GOLM2: variants seen among roughly 807,000 people sequenced by gnomAD.
GOLM2 encodes golgi membrane protein 2, also known as protein GOLM2.
In GOLM2, 26 loss-of-function variants were observed where a neutral mutation model predicts 55.9. The observed-to-expected ratio is 0.47, with a 90% CI of 0.34 to 0.65. GOLM2 has a LOEUF of 0.65. GOLM2 is among the 30% of genes least tolerant of loss of function. The pLI is 0.01. For missense variants in GOLM2, 486 were observed against 531.8 expected (o/e 0.91, Z 0.85); for synonymous variants, 165 against 194.6 (o/e 0.85, Z 1.27).
chr15:44,312,365 T>C (rs1243107947), intron 1 of GOLM2, among the ~76,000 whole-genome samples: 1 of 152,108 alleles, frequency 6.6e-6, no homozygotes, highest in Non-Finnish European at 1.5e-5. Flanking sequence ...CATTTAAACT[T>C]TTTTTCTCCT....
At chr15:44,322,308 A>G (rs1822269416) in intron 1 of GOLM2, among the ~76,000 whole-genome samples, 1 of 152,214 alleles carries the variant, frequency 6.6e-6, no homozygotes, top group Non-Finnish European at 1.5e-5. Context: ...TGGAGGTTGC[A>G]GTGAGCTGAG....
chr15:44,313,372 A>T (rs79854043), intron 1 of GOLM2, among the ~76,000 whole-genome samples: 3 of 152,176 alleles, frequency 2.0e-5, no homozygotes, highest in African/African-American at 7.2e-5. Flanking sequence ...TAATCTCAGC[A>T]TCTTTTCCCC....
chr15:44,377,492 C>T (rs1478887913), intron 6 of GOLM2, among the ~76,000 whole-genome samples: 1 of 152,070 alleles, frequency 6.6e-6, no homozygotes, highest in Admixed American at 6.6e-5. Context: ...TGCCTCAGGC[C>T]CCCAAGTAGC....
chr15:44,406,504 T>C (rs547389010), intron 9 of GOLM2: 1 of 152,320 alleles, frequency 6.6e-6, no homozygotes, highest in South Asian at 2.1e-4. Context: ...GTATGAAGAC[T>C]GCTGAATTAG....
rs1442514888 is a variant in GOLM2, at chr15:44,337,900, T to A, written c.714T>A (p.His238Gln). 6.3e-7 allele frequency: 1 copy of A among 1,592,044 alleles called. No homozygotes were observed. The highest frequency in any genetic ancestry group is 2.3e-5 in the East Asian group (1 of 44,430). Residue 238 changes from histidine (H) to glutamine (Q), a missense_variant, in exon 5 of 10, where the codon CAT (histidine) becomes CAA (glutamine). Physicochemically the swap from His to Gln is conservative, Grantham distance 24. Transcript: ENST00000299957. ...NEEPSSNHIPHGKEQIKRGGD... is the reference protein window; with the variant it reads ...NEEPSSNHIPQGKEQIKRGGD... ...AACCCTCAAGCAATCATATTCCACA[T>A]GGGAAAGGTATTATTGTTATTATTC...
chr15:44,336,948 CT>C (rs2079061389), intron 4 of GOLM2, among the ~76,000 whole-genome samples: 1 of 152,002 alleles, frequency 6.6e-6, no homozygotes, highest in African/African-American at 2.4e-5. Flanking sequence ...AAATATTTGG[CT>C]CTTGTTTTTC....
chr15:44,304,401 C>T lies in GOLM2; in HGVS notation c.327+15045C>T, dbSNP rs991386197. ...GGATTACAGGCGCCCACCACCACAC[C>T]TGGCTAATTTTTGTACTTTTAGTAG... On this transcript the variant is annotated intron_variant, in intron 1 of 9. Transcript: ENST00000299957. Among the ~76,000 whole-genome samples, 7 of 150,772 alleles carry T rather than the reference C, an allele frequency of 4.6e-5. 1 individual carries two copies. The highest frequency in any genetic ancestry group is 3.3e-4 in the Admixed American group (5 of 15,118).
chr15:44,293,049 G>A (rs115065157), intron 1 of GOLM2, among the ~76,000 whole-genome samples: 2 of 152,040 alleles, frequency 1.3e-5, no homozygotes, highest in African/African-American at 4.8e-5. Context: ...TTCCTGGCCT[G>A]AAGTGATCCT....
At chr15:44,308,610 T>A (rs1405495500) in intron 1 of GOLM2, 1 of 148,346 alleles carries the variant, frequency 6.7e-6, no homozygotes, top group Non-Finnish European at 1.5e-5. Context: ...TATATTTAAC[T>A]TTTTTTTTTA....
At chr15:44,362,650 T>G (rs954517077) in intron 6 of GOLM2, among the ~76,000 whole-genome samples, 2 of 152,128 alleles carry the variant, frequency 1.3e-5, no homozygotes, top group African/African-American at 2.4e-5. Flanking sequence ...GCCATCCCCA[T>G]CAAACTACCA....
intron 6 of GOLM2, among the ~76,000 whole-genome samples, chr15:44,344,514 G>A (rs1157798182): frequency 6.6e-6 from 1 of 151,774 alleles, no homozygotes; most frequent in Non-Finnish European, 1.5e-5. Flanking sequence ...CCTATATGCT[G>A]ATTTAGATAA....
In GOLM2 at chr15:44,401,002, A is replaced by AC. The variant is rs1264875347; in HGVS notation, c.1073-1883dup. On this transcript the variant is annotated intron_variant, in intron 8 of 9. Transcript: ENST00000299957. ...ATGTGATGAACCATCTGTAGAATTGACCAGTACCCCCAGAATTCTATTTGT... is the reference window on the plus strand; with the variant it reads ...ATGTGATGAACCATCTGTAGAATTGACCCAGTACCCCCAGAATTCTATTTGT... Among the ~76,000 whole-genome samples, 3 of 152,214 alleles carry AC rather than the reference A, an allele frequency of 2.0e-5. No individual in the cohort carries two copies. In the East Asian group the frequency reaches 5.8e-4, roughly 29 times the overall value.
chr15:44,332,574 T>A (rs1331457765), intron 4 of GOLM2, among the ~76,000 whole-genome samples: 2 of 151,018 alleles, frequency 1.3e-5, no homozygotes, highest in Non-Finnish European at 2.9e-5. Flanking sequence ...AAAAAAAAAA[T>A]TTAAATTAAT....
In GOLM2 at chr15:44,385,649, T is replaced by C. The variant is rs78044015; in HGVS notation, c.1072+4673T>C. Among the ~76,000 whole-genome samples the C allele has an allele frequency of 2.6e-4, 40 of 152,238 alleles. 1 individual carries two copies. The East Asian group carries it at 7.3e-3, about 28-fold the overall frequency. On this transcript the variant is annotated intron_variant, in intron 8 of 9. Coordinates refer to ENST00000299957, the MANE Select transcript of GOLM2 (RefSeq NM_138423.4). Reference sequence around the variant, plus strand: ...GCAGCCTCAAACTCCTAGGCTCAAGTAATCCTCCTGCCTCAGCCTCAGTAG... The same window carrying C: ...GCAGCCTCAAACTCCTAGGCTCAAGCAATCCTCCTGCCTCAGCCTCAGTAG...
intron 1 of GOLM2, among the ~76,000 whole-genome samples, chr15:44,292,206 T>A (rs2078725803): frequency 6.8e-6 from 1 of 147,488 alleles, no homozygotes; most frequent in African/African-American, 2.5e-5. Context: ...TATATATTTT[T>A]TTTTTTTTTT....
At chr15:44,392,475 T>C (rs1330179702) in intron 8 of GOLM2, among the ~76,000 whole-genome samples, 1 of 151,824 alleles carries the variant, frequency 6.6e-6, no homozygotes, top group Non-Finnish European at 1.5e-5. Context: ...ATACAAAAAT[T>C]AGCTGGGTGC....
At chr15:44,377,186 C>T (rs879917387) in intron 6 of GOLM2, among the ~76,000 whole-genome samples, 2 of 151,948 alleles carry the variant, frequency 1.3e-5, no homozygotes, top group Non-Finnish European at 2.9e-5. Flanking sequence ...CAGCCCGGAC[C>T]ACATAGTAAG....
chr15:44,370,466 G>A (rs1004255709), intron 6 of GOLM2, among the ~76,000 whole-genome samples: 1 of 152,042 alleles, frequency 6.6e-6, no homozygotes, highest in Non-Finnish European at 1.5e-5. Flanking sequence ...AGAAGGGTGA[G>A]GTGGGAGGAT....
intron 6 of GOLM2, among the ~76,000 whole-genome samples, chr15:44,344,287 GTATATA>G (rs143483392): frequency 3.6e-5 from 5 of 138,324 alleles, no homozygotes; most frequent in African/African-American, 5.4e-5. Flanking sequence ...ATATGTGTGT[GTATATA>G]TATATATATA....
Sources: allele counts gnomAD v4.1 joint callset (sites outside exome capture counted in the v4.1 genomes callset), GRCh38; gene constraint gnomAD v4.1.1; transcripts MANE v1.5; gene names NCBI Gene and HGNC (gene_info 2026-07-23, HGNC 2026-07-21).